The following CMIP variants were observed in gnomAD, a reference collection of about 807,000 sequenced individuals.
CMIP encodes the protein C-Maf-inducing protein.
CMIP carries 13 observed loss-of-function variants against 97.3 expected under a neutral mutation model. The observed-to-expected ratio is 0.13, with a 90% confidence interval of 0.09 to 0.21. The LOEUF is 0.21. CMIP is among the 10% of genes least tolerant of loss of function. The pLI is 1.00. For synonymous variants in CMIP, 538 were observed against 436.3 expected (o/e 1.23, Z -2.91); for missense variants, 847 against 1,024.9 (o/e 0.83, Z 2.37).
intron 1 of CMIP, among the ~76,000 whole-genome samples, chr16:81,488,580 A>G (rs555259920): frequency 6.6e-6 from 1 of 152,072 alleles, no homozygotes; most frequent in South Asian, 2.1e-4. Context: ...TGGGACTGCT[A>G]TAAGGGTGAC....
In CMIP at chr16:81,573,360, A is replaced by T. The variant is rs553536683; in HGVS notation, c.301-34207A>T. 2.3e-4 allele frequency among the ~76,000 whole-genome samples: 35 copies of T among 152,264 alleles called. No individual in the cohort carries two copies. The South Asian group carries it at 7.1e-3, about 31-fold the overall frequency. On this transcript the variant is annotated intron_variant, in intron 1 of 20. Transcript: ENST00000537098. ...CTCCATCTCAAAAAATAAAAAAAAAAAAAAGGCATGTTTTCCCTAATAGGA... is the reference window on the plus strand; with the variant it reads ...CTCCATCTCAAAAAATAAAAAAAAATAAAAGGCATGTTTTCCCTAATAGGA...
chr16:81,571,835 C>A (rs547739077), intron 1 of CMIP, among the ~76,000 whole-genome samples: 16 of 152,294 alleles, frequency 1.1e-4, no homozygotes, highest in African/African-American at 3.6e-4. Context: ...TCCCTTGATG[C>A]CCAGGAGAAA....
intron 3 of CMIP, among the ~76,000 whole-genome samples, chr16:81,644,983 C>T (rs2092347574): frequency 6.6e-6 from 1 of 152,212 alleles, no homozygotes; most frequent in Non-Finnish European, 1.5e-5. Context: ...GACAGGGACA[C>T]CAAGACTTTC....
chr16:81,622,960 T>C (rs1006473806), intron 3 of CMIP, among the ~76,000 whole-genome samples: 2 of 152,176 alleles, frequency 1.3e-5, no homozygotes, highest in Non-Finnish European at 2.9e-5. Flanking sequence ...TCCCAACACT[T>C]TGGGAGGCCA....
At position 81,445,326 on chromosome 16, in the gene CMIP, G is replaced by C. The variant is rs1431258735; in HGVS notation, c.85G>C (p.Ala29Pro). 10 of 1,586,706 alleles carry C rather than the reference G, an allele frequency of 6.3e-6. No individual in the cohort carries two copies. Among genetic ancestry groups the C allele is most frequent in the Non-Finnish European group, 8.6e-6 (10 of 1,167,768 alleles). Residue 29 changes from alanine to proline, a missense_variant, in exon 1 of 21, where the codon GCC becomes CCC. Coordinates refer to ENST00000537098, the MANE Select transcript of CMIP (RefSeq NM_198390.3). Reference protein sequence around the residue: ...TKPLLGGDVSAPEGTKMGAVP... With the variant: ...TKPLLGGDVSPPEGTKMGAVP... Reference sequence around the variant, plus strand: ...GCCGCTGCTGGGGGGCGACGTGTCGGCCCCCGAAGGCACGAAGATGGGCGC... The same window carrying C: ...GCCGCTGCTGGGGGGCGACGTGTCGCCCCCCGAAGGCACGAAGATGGGCGC...
chr16:81,467,647 C>A (rs1356295708), intron 1 of CMIP, among the ~76,000 whole-genome samples: 1 of 149,044 alleles, frequency 6.7e-6, no homozygotes, highest in African/African-American at 2.5e-5. Context: ...GTGGCATGAT[C>A]TTGGCTCACT....
Position 81,679,431 on chromosome 16 carries a change from G to A in CMIP, c.1388+803G>A, listed in dbSNP as rs541231611. On this transcript the variant is annotated intron_variant, in intron 10 of 20. Transcript: ENST00000537098. Reference sequence around the variant, plus strand: ...TTTGCAGGTATGTGCATGAGCCCATGTATGTGTGTGTTGTGTGAGCCATGC... The same window carrying A: ...TTTGCAGGTATGTGCATGAGCCCATATATGTGTGTGTTGTGTGAGCCATGC... Among the ~76,000 whole-genome samples the A allele has an allele frequency of 7.2e-5, 11 of 152,238 alleles. No homozygotes were observed. In the South Asian group the frequency reaches 1.0e-3, roughly 14 times the overall value.
At position 81,691,064 on chromosome 16, in the gene CMIP, A is replaced by G. The variant is rs138957044; in HGVS notation, c.1389-711A>G. ...ATAGAATTTTCCCTCAGTTCTGATC[A>G]CAGAAAGGTGAGAATGGCCCCAGGG... On this transcript the variant is annotated intron_variant, in intron 10 of 20. Coordinates refer to ENST00000537098, the MANE Select transcript of CMIP (RefSeq NM_198390.3). Among the ~76,000 whole-genome samples, 73 of 152,348 alleles carry G rather than the reference A, an allele frequency of 4.8e-4. No individual in the cohort carries two copies. The East Asian group carries it at 9.5e-3, about 20-fold the overall frequency.
At chr16:81,537,297 G>T (rs2090361296) in intron 1 of CMIP, among the ~76,000 whole-genome samples, 1 of 151,634 alleles carries the variant, frequency 6.6e-6, no homozygotes, top group Non-Finnish European at 1.5e-5. Flanking sequence ...CACTTTGGGA[G>T]GCCGAGGTGG....
intron 10 of CMIP, among the ~76,000 whole-genome samples, chr16:81,686,856 CTG>C (rs1039122589): frequency 1.3e-5 from 2 of 152,202 alleles, no homozygotes; most frequent in African/African-American, 4.8e-5. Context: ...CACAGTGTAT[CTG>C]TGGTGAGTCG....
intron 1 of CMIP, among the ~76,000 whole-genome samples, chr16:81,485,569 C>G (rs2089301466): frequency 6.6e-6 from 1 of 152,196 alleles, no homozygotes; most frequent in Non-Finnish European, 1.5e-5. Context: ...CTTACCACAG[C>G]CCTTCTGATG....
At chr16:81,487,395 C>T (rs558424329) in intron 1 of CMIP, among the ~76,000 whole-genome samples, 2 of 152,316 alleles carry the variant, frequency 1.3e-5, no homozygotes, top group East Asian at 3.9e-4. Flanking sequence ...CTGACTGCTC[C>T]ACTCCCGAGG....
At chr16:81,592,074 T>G (rs1171098010) in intron 1 of CMIP, among the ~76,000 whole-genome samples, 1 of 152,118 alleles carries the variant, frequency 6.6e-6, no homozygotes, top group East Asian at 1.9e-4. Flanking sequence ...TCCTCCTGCC[T>G]TGGCCTCCCA....
intron 1 of CMIP, among the ~76,000 whole-genome samples, chr16:81,478,249 T>C (rs1444886944): frequency 2.0e-5 from 3 of 152,128 alleles, no homozygotes; most frequent in Non-Finnish European, 4.4e-5. Flanking sequence ...GCCACTCACA[T>C]GTAGCACAGT....
At chr16:81,638,924 C>G (rs1165724893) in intron 3 of CMIP, among the ~76,000 whole-genome samples, 1 of 152,152 alleles carries the variant, frequency 6.6e-6, no homozygotes, top group Non-Finnish European at 1.5e-5. Context: ...CCACACCCGG[C>G]CCACCCGTGC....
chr16:81,680,627 A>C (rs1904779382), intron 10 of CMIP, among the ~76,000 whole-genome samples: 1 of 152,216 alleles, frequency 6.6e-6, no homozygotes, highest in African/African-American at 2.4e-5. Flanking sequence ...CCCCCAGCCA[A>C]GCGGAATTCC....
rs1485709684 is a variant in CMIP, at chr16:81,665,669, T to C, written c.825+1320T>C. 5 of 152,308 alleles carry C rather than the reference T, an allele frequency of 3.3e-5. No individual in the cohort carries two copies. In the East Asian group the frequency reaches 9.6e-4, roughly 29 times the overall value. The allele number at this position is 152,308 out of a possible 1,614,324, so 9.4% of individuals were successfully genotyped here. A position where few individuals can be genotyped will look rare whatever the true frequency, so the allele number is the denominator to read the frequency against. ...AAAGGGTAACCACACATCATTTCACTTGTGATGTAGCTTGCCTGTCTCCAC... is the reference window on the plus strand; with the variant it reads ...AAAGGGTAACCACACATCATTTCACCTGTGATGTAGCTTGCCTGTCTCCAC... On this transcript the variant is annotated intron_variant, in intron 7 of 20. Coordinates refer to ENST00000537098, the MANE Select transcript of CMIP (RefSeq NM_198390.3).
chr16:81,593,009 C>T (rs893273951), intron 1 of CMIP, among the ~76,000 whole-genome samples: 3 of 152,254 alleles, frequency 2.0e-5, no homozygotes, highest in African/African-American at 4.8e-5. Flanking sequence ...AGATTTTCAT[C>T]CCTCTTCTCA....
intron 1 of CMIP, among the ~76,000 whole-genome samples, chr16:81,548,130 CTT>C (rs11351275): frequency 0.06 from 6,682 of 111,808 alleles, 97 homozygotes; most frequent in Middle Eastern, 0.095. Flanking sequence ...GGATGGATCA[CTT>C]TTTTTTTTTT....
Sources: allele counts gnomAD v4.1 joint callset (sites outside exome capture counted in the v4.1 genomes callset), GRCh38; gene constraint gnomAD v4.1.1; transcripts MANE v1.5; gene names NCBI Gene and HGNC (gene_info 2026-07-23, HGNC 2026-07-21).